Variants in DOCK3 observed in about 807,000 individuals in gnomAD.
DOCK3 encodes dedicator of cytokinesis protein 3.
DOCK3 carries 60 observed loss-of-function variants against 265.6 expected under a neutral mutation model. The ratio of observed to expected loss-of-function variants is 0.23; its 90% confidence interval spans 0.18 to 0.28. The LOEUF is 0.28. Ranked by LOEUF, DOCK3 falls within the 10% of genes least tolerant of loss-of-function variation. DOCK3 has a pLI of 1.00. For missense variants in DOCK3, 1,981 were observed against 2,594.3 expected, an observed-to-expected ratio of 0.76 and a Z score of 5.14; for synonymous variants, 881 against 938.0, an observed-to-expected ratio of 0.94 and a Z score of 1.11.
intron 1 of DOCK3, among the ~76,000 whole-genome samples, chr3:50,690,797 C>A (rs909798367): frequency 3.3e-5 from 5 of 151,824 alleles, no homozygotes; most frequent in Non-Finnish European, 5.9e-5. Context: ...CAGGCACCAC[C>A]ATGCCTGGCT....
rs556562889 is a variant in DOCK3, at chr3:51,135,713, T to C, written c.747-10836T>C. 2.6e-5 allele frequency among the ~76,000 whole-genome samples: 4 copies of C among 152,182 alleles called. No individual in the cohort carries two copies. In the South Asian group the frequency reaches 8.3e-4, roughly 32 times the overall value. On this transcript the variant is annotated intron_variant, in intron 9 of 52. Transcript: ENST00000266037. ...CAGCTATCCAGTACTCTTTTTTTTA[T>C]TTTATTTTTATTTTTATTTTTTTGG...
At chr3:50,813,955 T>G (rs1393377571) in intron 2 of DOCK3, among the ~76,000 whole-genome samples, 1 of 152,278 alleles carries the variant, frequency 6.6e-6, no homozygotes. Flanking sequence ...TGCATAAGAA[T>G]AGTAAATACT....
Position 50,778,765 on chromosome 3 carries a change from A to G in DOCK3, c.121+7A>G, listed in dbSNP as rs2041751472. 3.9e-6 allele frequency: 6 copies of G among 1,556,108 alleles called. No homozygotes were observed. Among genetic ancestry groups the G allele is most frequent in the Admixed American group, 1.9e-5 (1 of 53,202 alleles). ...ATTCTTGAAAAATGTGAAGGTGAGT[A>G]TGGACCTACAAAGCACATAAATTGT... On this transcript the variant is annotated splice_region_variant and intron_variant, in intron 2 of 52. Coordinates refer to ENST00000266037, the MANE Select transcript of DOCK3 (RefSeq NM_004947.5).
chr3:51,373,979 CAGG>C (rs2110525065), intron 49 of DOCK3, among the ~76,000 whole-genome samples: 1 of 152,294 alleles, frequency 6.6e-6, no homozygotes, highest in East Asian at 1.9e-4. Context: ...CCAGTGGTGT[CAGG>C]AGAAGGTAAG....
At chr3:51,031,712 G>A (rs1575823447) in intron 5 of DOCK3, among the ~76,000 whole-genome samples, 1 of 152,294 alleles carries the variant, frequency 6.6e-6, no homozygotes, top group East Asian at 1.9e-4. Context: ...CGAAACTTAA[G>A]CCCCAATGCA....
At chr3:51,114,727 A>C (rs949138441) in intron 9 of DOCK3, among the ~76,000 whole-genome samples, 1 of 152,158 alleles carries the variant, frequency 6.6e-6, no homozygotes, top group Non-Finnish European at 1.5e-5. Context: ...ATAGGTATAC[A>C]TGTGCCATGG....
At chr3:51,337,078 G>A (rs1421528193) in intron 35 of DOCK3, among the ~76,000 whole-genome samples, 2 of 152,174 alleles carry the variant, frequency 1.3e-5, no homozygotes, top group Admixed American at 6.5e-5. Flanking sequence ...GGACCCTCAT[G>A]TCTGGCTACA....
intron 1 of DOCK3, among the ~76,000 whole-genome samples, chr3:50,690,368 A>G (rs961614747): frequency 2.0e-5 from 3 of 151,882 alleles, no homozygotes; most frequent in Non-Finnish European, 4.4e-5. Context: ...CCTTGGCCTC[A>G]AGAGACCCTT....
intron 2 of DOCK3, among the ~76,000 whole-genome samples, chr3:50,823,339 G>A (rs2044563245): frequency 6.6e-6 from 1 of 152,164 alleles, no homozygotes; most frequent in South Asian, 2.1e-4. Flanking sequence ...GTGTCCCTGA[G>A]TACTTGAGAT....
intron 51 of DOCK3, 101 bp downstream of exon 51, chr3:51,375,936 A>G (rs2088088534): frequency 1.7e-6 from 2 of 1,210,308 alleles, no homozygotes; most frequent in Admixed American, 1.7e-5. Context: ...CCATACTTCA[A>G]CACTCAGGTC....
At chr3:50,796,206 A>C (rs1447414639) in intron 2 of DOCK3, among the ~76,000 whole-genome samples, 2 of 150,176 alleles carry the variant, frequency 1.3e-5, no homozygotes, top group Admixed American at 1.3e-4. Context: ...ATGCCCAGCT[A>C]ATTTTTTTTT....
intron 5 of DOCK3, among the ~76,000 whole-genome samples, chr3:51,054,746 C>T (rs941438391): frequency 2.0e-5 from 3 of 152,236 alleles, no homozygotes; most frequent in East Asian, 1.9e-4. Context: ...TATTAAATTA[C>T]GACTAGCCTG....
intron 5 of DOCK3, among the ~76,000 whole-genome samples, chr3:50,950,813 A>G (rs2076569549): frequency 6.6e-6 from 1 of 152,080 alleles, no homozygotes; most frequent in East Asian, 1.9e-4. Context: ...TCCTTATTGC[A>G]ATGTTACAGT....
intron 12 of DOCK3, among the ~76,000 whole-genome samples, chr3:51,196,142 C>T (rs1390462327): frequency 1.3e-5 from 2 of 151,132 alleles, no homozygotes; most frequent in Non-Finnish European, 2.9e-5. Flanking sequence ...TGTCATGCTG[C>T]GTAGGCTGTT....
chr3:51,350,227 G>GA, intron 39 of DOCK3, 61 bp from the exon 40 acceptor site: 1 of 1,481,478 alleles, frequency 6.8e-7, no homozygotes. Flanking sequence ...TTGGGCCTGG[G>GA]AGAACTTCCT....
chr3:51,313,817 G>T (rs1021530596), intron 31 of DOCK3, among the ~76,000 whole-genome samples: 2 of 152,096 alleles, frequency 1.3e-5, no homozygotes, highest in African/African-American at 4.8e-5. Context: ...CAACACTCTG[G>T]TTCCCTGTAT....
At chr3:50,829,206 T>C (rs2044977335) in intron 2 of DOCK3, among the ~76,000 whole-genome samples, 1 of 152,226 alleles carries the variant, frequency 6.6e-6, no homozygotes, top group South Asian at 2.1e-4. Context: ...ATGATATTTT[T>C]CCTCAGTATA....
chr3:50,824,022 ACT>A (rs1033438114), intron 2 of DOCK3, among the ~76,000 whole-genome samples: 29 of 152,264 alleles, frequency 1.9e-4, no homozygotes, highest in Admixed American at 1.8e-3. Flanking sequence ...GTGTGTTCAG[ACT>A]CTGTTGATCT....
intron 51 of DOCK3, chr3:51,379,567 G>A (rs2088442450): frequency 1.0e-6 from 1 of 985,484 alleles, no homozygotes; most frequent in Non-Finnish European, 1.2e-6. Flanking sequence ...GAAGCCTGCT[G>A]CATGGTAAGA....
Sources: allele counts gnomAD v4.1 joint callset (sites outside exome capture counted in the v4.1 genomes callset), GRCh38; gene constraint gnomAD v4.1.1; transcripts MANE v1.5; gene names NCBI Gene and HGNC (gene_info 2026-07-23, HGNC 2026-07-21).